The following SLC9C2 variants were observed in gnomAD, a reference collection of about 807,000 sequenced individuals.
The protein encoded by SLC9C2 is sodium/hydrogen exchanger 11.
A neutral mutation model predicts 140.2 loss-of-function variants in SLC9C2; 75 were observed. The ratio of observed to expected loss-of-function variants is 0.53; its 90% CI spans 0.44 to 0.65. The LOEUF is 0.65. SLC9C2 is among the 30% of genes least tolerant of loss of function. The pLI is 0.00. For synonymous variants in SLC9C2, 375 were observed against 420.9 expected, an observed-to-expected ratio of 0.89 and a Z score of 1.34; for missense variants, 1,074 against 1,331.8, an observed-to-expected ratio of 0.81 and a Z score of 3.01.
intron 23 of SLC9C2, among the ~76,000 whole-genome samples, chr1:173,512,043 T>G (rs1038369026): frequency 5.3e-5 from 8 of 152,230 alleles, no homozygotes; most frequent in Non-Finnish European, 1.2e-4. Context: ...CATGCTATTT[T>G]GGTTACTGTA....
chr1:173,574,317 C>T (rs1203420486), intron 8 of SLC9C2, among the ~76,000 whole-genome samples: 2 of 152,122 alleles, frequency 1.3e-5, no homozygotes. Flanking sequence ...AGACATAAAT[C>T]ATGTTCTTCG....
At chr1:173,550,524 C>T (rs142967984) in intron 11 of SLC9C2, among the ~76,000 whole-genome samples, 1 of 150,564 alleles carries the variant, frequency 6.6e-6, no homozygotes, top group East Asian at 2.0e-4. Context: ...CTGCAACATC[C>T]ACCTCCTGGG....
intron 2 of SLC9C2, among the ~76,000 whole-genome samples, chr1:173,601,041 T>G (rs1666743613): frequency 6.6e-6 from 1 of 152,200 alleles, no homozygotes; most frequent in African/African-American, 2.4e-5. Context: ...CTATACCTGT[T>G]GAATTCTTAA....
intron 8 of SLC9C2, among the ~76,000 whole-genome samples, chr1:173,574,536 G>T (rs1156475138): frequency 1.5e-5 from 2 of 131,036 alleles, no homozygotes; most frequent in African/African-American, 5.9e-5. Flanking sequence ...TTGAGACAGA[G>T]TCTTGCTCTG....
At chr1:173,562,970 C>G (rs1333356812) in intron 9 of SLC9C2, among the ~76,000 whole-genome samples, 2 of 151,788 alleles carry the variant, frequency 1.3e-5, no homozygotes, top group Non-Finnish European at 2.9e-5. Context: ...GAGAACTATA[C>G]AGTGAGAAAG....
rs746442605 is a variant in SLC9C2 at position 173,534,459 on chromosome 1, ATTCTAT to A, written c.1974+19_1974+24del. On this transcript the variant is annotated intron_variant, in intron 16 of 27. Transcript: ENST00000367714. ...AATACCTGAATTGCTCTTTTTATAG[ATTCTAT>A]TTCTATTTTAAACAGTACCTTCAAT... 1.1e-5 allele frequency: 17 copies of A among 1,525,114 alleles called. No individual in the cohort carries two copies. In the East Asian group the frequency reaches 3.5e-4, roughly 31 times the overall value. The allele number at this position is 1,525,114 out of a possible 1,614,324, so 94.5% of individuals were successfully genotyped here.
chr1:173,573,780 C>A (rs953834934), intron 8 of SLC9C2, among the ~76,000 whole-genome samples: 1 of 152,172 alleles, frequency 6.6e-6, no homozygotes, highest in Admixed American at 6.5e-5. Flanking sequence ...CACATGTACT[C>A]TTCTATTTAC....
At chr1:173,526,554 A>T in intron 19 of SLC9C2, 109 bp downstream of exon 19, 1 of 982,026 alleles carries the variant, frequency 1.0e-6, no homozygotes, top group Non-Finnish European at 1.6e-6. Context: ...ATGCTTGTTG[A>T]ATGCATAAAT....
chr1:173,535,494 C>T lies in SLC9C2; in HGVS notation c.1775+336G>A, dbSNP rs1411619919. Among the ~76,000 whole-genome samples, 4 of 152,196 alleles carry T rather than the reference C, an allele frequency of 2.6e-5. No homozygotes were observed. In the East Asian group the frequency reaches 7.7e-4, roughly 29 times the overall value. On this transcript the variant is annotated intron_variant, in intron 15 of 27. Coordinates refer to ENST00000367714, the MANE Select transcript of SLC9C2 (RefSeq NM_178527.4). The stretch of plus-strand genomic sequence containing the variant: ...CAGATGAAATTAAACAGAGCTAGAT[C>T]TAGTCTACCAGTTAGCTATTTCTCA...
intron 13 of SLC9C2, among the ~76,000 whole-genome samples, chr1:173,546,095 T>C (rs1020339908): frequency 3.9e-5 from 6 of 152,170 alleles, no homozygotes; most frequent in African/African-American, 1.2e-4. Context: ...AGGATAAAGA[T>C]ACCACTTTTT....
At position 173,563,243 on chromosome 1, in the gene SLC9C2, G is replaced by A. The variant is rs115882458; in HGVS notation, c.1047-5735C>T. 9.4e-3 allele frequency among the ~76,000 whole-genome samples: 1,434 copies of A among 151,908 alleles called. 27 individuals carry two copies. The highest frequency in any genetic ancestry group is 0.033 in the African/African-American group (1,376 of 41,410). On this transcript the variant is annotated intron_variant, in intron 9 of 27. Transcript: ENST00000367714. ...GGGGGGCAGGGCCAGTGTTCCACAA[G>A]GTCTTTATCACAGTCTCACAGGGCT...
chr1:173,582,166 TA>T (rs199608521), intron 6 of SLC9C2, among the ~76,000 whole-genome samples, 158 bp from the exon 7 acceptor site: 15 of 152,214 alleles, frequency 9.9e-5, no homozygotes, highest in African/African-American at 3.6e-4. Flanking sequence ...GAAAGTCTGG[TA>T]AAAAAACCTC....
chr1:173,505,889 C>T (rs927911013), intron 25 of SLC9C2, among the ~76,000 whole-genome samples: 3 of 152,024 alleles, frequency 2.0e-5, no homozygotes, highest in African/African-American at 7.2e-5. Context: ...AAGCAACTTA[C>T]CTAAGCTCAA....
At position 173,529,385 on chromosome 1, in the gene SLC9C2, C is replaced by T. The variant is rs78760580; in HGVS notation, c.2313+520G>A. 2.8e-3 allele frequency among the ~76,000 whole-genome samples: 433 copies of T among 152,072 alleles called. 1 individual carries two copies. Among genetic ancestry groups the T allele is most frequent in the African/African-American group, 9.9e-3 (412 of 41,454 alleles). On this transcript the variant is annotated intron_variant, in intron 18 of 27. Transcript: ENST00000367714. ...CCTGGTTAGGAGAGGATTCACTCCA[C>T]CTCTAGGCTCCCATCTAGTACTTAC...
At chr1:173,550,452 A>ATTTATTTT (rs767649310) in intron 11 of SLC9C2, among the ~76,000 whole-genome samples, 1 of 145,560 alleles carries the variant, frequency 6.9e-6, no homozygotes, top group Admixed American at 6.8e-5. Context: ...TTATTTATTT[A>ATTTATTTT]TTTTTGAGGA....
At chr1:173,572,283 T>C (rs138725729) in intron 9 of SLC9C2, among the ~76,000 whole-genome samples, 67 of 152,274 alleles carry the variant, frequency 4.4e-4, no homozygotes, top group African/African-American at 1.5e-3. Flanking sequence ...CACAGCTGCA[T>C]GGGAACAGCA....
At chr1:173,551,009 C>G (rs1199076422) in intron 11 of SLC9C2, among the ~76,000 whole-genome samples, 3 of 152,168 alleles carry the variant, frequency 2.0e-5, no homozygotes, top group East Asian at 3.9e-4. Flanking sequence ...GTGCTAGCCT[C>G]ACTCAAACAT....
At chr1:173,516,901 C>T (rs527830020) in intron 23 of SLC9C2, among the ~76,000 whole-genome samples, 3 of 152,330 alleles carry the variant, frequency 2.0e-5, no homozygotes, top group Non-Finnish European at 2.9e-5. Context: ...CTGTCTTCCA[C>T]AATGGTTGAA....
chr1:173,571,212 A>G (rs1664824721), intron 9 of SLC9C2, among the ~76,000 whole-genome samples: 1 of 152,224 alleles, frequency 6.6e-6, no homozygotes, highest in Non-Finnish European at 1.5e-5. Context: ...AGAGGAAAGT[A>G]ACCACTCTTA....
Sources: allele counts gnomAD v4.1 joint callset (sites outside exome capture counted in the v4.1 genomes callset), GRCh38; gene constraint gnomAD v4.1.1; transcripts MANE v1.5; gene names NCBI Gene and HGNC (gene_info 2026-07-23, HGNC 2026-07-21).